The following RPS6KA5 variants were observed in gnomAD, a reference collection of about 807,000 sequenced individuals.
The protein encoded by RPS6KA5 is ribosomal protein S6 kinase alpha-5.
In RPS6KA5, 27 loss-of-function variants were observed where a neutral mutation model predicts 85.5. The observed-to-expected ratio is 0.32, with a 90% CI of 0.23 to 0.44. The LOEUF (loss-of-function observed/expected upper bound fraction) is 0.44. RPS6KA5 is among the 20% of genes least tolerant of loss of function. The pLI is 1.00. For missense variants in RPS6KA5, 811 were observed against 980.9 expected, an observed-to-expected ratio of 0.83 and a Z score of 2.31; for synonymous variants, 334 against 348.2, an observed-to-expected ratio of 0.96 and a Z score of 0.46.
intron 1 of RPS6KA5, among the ~76,000 whole-genome samples, chr14:91,020,337 C>T (rs1029772027): frequency 6.6e-6 from 1 of 151,930 alleles, no homozygotes; most frequent in Admixed American, 6.6e-5. Flanking sequence ...AGAAATAATA[C>T]AGTATAACAA....
At chr14:90,959,716 T>G (rs555701613) in intron 3 of RPS6KA5, among the ~76,000 whole-genome samples, 11 of 152,310 alleles carry the variant, frequency 7.2e-5, no homozygotes, top group Middle Eastern at 6.8e-3. Flanking sequence ...TGAACCATGG[T>G]GAAAGCGCTT....
intron 1 of RPS6KA5, among the ~76,000 whole-genome samples, chr14:91,011,551 A>G (rs2041259555): frequency 1.3e-5 from 2 of 152,192 alleles, no homozygotes; most frequent in South Asian, 4.1e-4. Context: ...AGCACTATCC[A>G]TGGGACAATC....
intron 2 of RPS6KA5, among the ~76,000 whole-genome samples, chr14:90,990,307 G>T (rs550137039): frequency 2.0e-5 from 3 of 152,134 alleles, no homozygotes; most frequent in Admixed American, 2.0e-4. Context: ...TCAGAGAAAC[G>T]CAAATAAAAA....
chr14:90,856,773 C>T lies in RPS6KA5; in HGVS notation c.*15301G>A, dbSNP rs1021998145. 3 of 152,356 alleles carry T rather than the reference C, an allele frequency of 2.0e-5. No homozygotes were observed. The highest frequency in any genetic ancestry group is 7.2e-5 in the African/African-American group (3 of 41,432). The allele number at this position is 152,356 out of a possible 1,614,324, so 9.4% of individuals were successfully genotyped here. A position where few individuals can be genotyped will look rare whatever the true frequency, so the allele number is the denominator to read the frequency against. ...CCATTACCACTACCTAATTCCAGAA[C>T]ATTTTGATCACCCCAAAACCCCATC... On this transcript the variant is annotated 3_prime_UTR_variant, in exon 17 of 17. Transcript: ENST00000614987.
Position 90,852,860 on chromosome 14 carries a change from G to A in RPS6KA5, c.*19214C>T, listed in dbSNP as rs2032078106. On this transcript the variant is annotated 3_prime_UTR_variant, in exon 17 of 17. Transcript: ENST00000614987. ...TTCTCCTGTCTCAGCCTCCCCAGTA[G>A]CTGGGACTACAGGCGCCTGCCACCA... The A allele has an allele frequency of 6.6e-6, 1 of 151,444 alleles. No individual in the cohort carries two copies. Among genetic ancestry groups the A allele is most frequent in the African/African-American group, 2.4e-5 (1 of 41,186 alleles). 9.4% of individuals were successfully genotyped at this position (151,444 alleles called of 1,614,324 possible).
At chr14:91,020,637 TG>T (rs1453794538) in intron 1 of RPS6KA5, among the ~76,000 whole-genome samples, 1 of 150,992 alleles carries the variant, frequency 6.6e-6, no homozygotes, top group Non-Finnish European at 1.5e-5. Flanking sequence ...TGTGTGTGTG[TG>T]TGTGTGTGTG....
At chr14:90,976,441 TA>T (rs2039573569) in intron 3 of RPS6KA5, among the ~76,000 whole-genome samples, 1 of 152,086 alleles carries the variant, frequency 6.6e-6, no homozygotes, top group Non-Finnish European at 1.5e-5. Context: ...AGAATAGAAA[TA>T]AACCGGTAGG....
At chr14:90,912,107 T>C (rs938732444) in intron 7 of RPS6KA5, among the ~76,000 whole-genome samples, 8 of 152,188 alleles carry the variant, frequency 5.3e-5, no homozygotes, top group African/African-American at 1.9e-4. Context: ...GCATTCTTCT[T>C]ACCTAAAAGC....
rs2032100677 is a variant in RPS6KA5, at chr14:90,853,269, C to A, written c.*18805G>T. The A allele has an allele frequency of 6.6e-6, 1 of 152,198 alleles. No homozygotes were observed. Among genetic ancestry groups the A allele is most frequent in the East Asian group, 1.9e-4 (1 of 5,176 alleles). The allele number at this position is 152,198 out of a possible 1,614,324, so 9.4% of individuals were successfully genotyped here. The stretch of plus-strand genomic sequence containing the variant: ...ATGATATTTTCCACTGTAGAAACTT[C>A]TTAGGTTATCACTCAAAAAACAAAA... On this transcript the variant is annotated 3_prime_UTR_variant, in exon 17 of 17. Coordinates refer to ENST00000614987, the MANE Select transcript of RPS6KA5 (RefSeq NM_004755.4).
rs1487646066 is a variant in RPS6KA5, at chr14:90,861,038, T to G, written c.*11036A>C. 6.6e-6 allele frequency: 1 copy of G among 151,580 alleles called. No individual in the cohort carries two copies. Among genetic ancestry groups the G allele is most frequent in the Admixed American group, 6.6e-5 (1 of 15,234 alleles). 9.4% of individuals were successfully genotyped at this position (151,580 alleles called of 1,614,324 possible). Reference sequence around the variant, plus strand: ...TCCCAAGTAGCTAGGATTACAGGCATGCACTACCACTCCTGGCTCATTTTT... The same window carrying G: ...TCCCAAGTAGCTAGGATTACAGGCAGGCACTACCACTCCTGGCTCATTTTT... On this transcript the variant is annotated 3_prime_UTR_variant, in exon 17 of 17. Coordinates refer to ENST00000614987, the MANE Select transcript of RPS6KA5 (RefSeq NM_004755.4).
intron 11 of RPS6KA5, among the ~76,000 whole-genome samples, chr14:90,899,877 A>C (rs933390250): frequency 6.6e-6 from 1 of 152,224 alleles, no homozygotes; most frequent in Non-Finnish European, 1.5e-5. Flanking sequence ...CGTTTTCTCT[A>C]GATAAACTCA....
chr14:90,986,466 C>T (rs116412587), intron 2 of RPS6KA5, among the ~76,000 whole-genome samples: 2,015 of 151,636 alleles, frequency 0.013, 59 homozygotes, highest in African/African-American at 0.046. Context: ...AAAAAAAATA[C>T]GTTAAAATAA....
At chr14:90,944,480 G>C (rs1309281091) in intron 4 of RPS6KA5, among the ~76,000 whole-genome samples, 1 of 151,954 alleles carries the variant, frequency 6.6e-6, no homozygotes, top group East Asian at 1.9e-4. Flanking sequence ...GCTGGGCCAG[G>C]AGTGGTGGCT....
At chr14:90,947,711 T>C (rs1384197347) in intron 3 of RPS6KA5, among the ~76,000 whole-genome samples, 161 bp from the exon 4 acceptor site, 1 of 152,214 alleles carries the variant, frequency 6.6e-6, no homozygotes, top group South Asian at 2.1e-4. Context: ...TAGATTCAGA[T>C]AGCAATACAG....
At chr14:90,945,745 T>A (rs984536319) in intron 4 of RPS6KA5, among the ~76,000 whole-genome samples, 1 of 152,202 alleles carries the variant, frequency 6.6e-6, no homozygotes, top group Non-Finnish European at 1.5e-5. Context: ...ACAAGCACAG[T>A]GGCTCATGCC....
At chr14:90,967,851 TA>T (rs1328188345) in intron 3 of RPS6KA5, among the ~76,000 whole-genome samples, 2 of 152,174 alleles carry the variant, frequency 1.3e-5, no homozygotes, top group Non-Finnish European at 2.9e-5. Context: ...TCTCCCATTT[TA>T]AAACACACTA....
chr14:90,966,226 G>A (rs765210580), intron 3 of RPS6KA5, among the ~76,000 whole-genome samples: 1 of 152,136 alleles, frequency 6.6e-6, no homozygotes, highest in Non-Finnish European at 1.5e-5. Flanking sequence ...TGAAAAACAA[G>A]ACTCTGTTGA....
At chr14:90,977,625 T>A (rs2039623635) in intron 3 of RPS6KA5, among the ~76,000 whole-genome samples, 1 of 152,222 alleles carries the variant, frequency 6.6e-6, no homozygotes, top group South Asian at 2.1e-4. Context: ...CGTCCCCTTG[T>A]CAGCCTAAAC....
At chr14:90,987,999 C>A (rs2040132367) in intron 2 of RPS6KA5, among the ~76,000 whole-genome samples, 1 of 152,172 alleles carries the variant, frequency 6.6e-6, no homozygotes, top group Non-Finnish European at 1.5e-5. Flanking sequence ...CTACTCTTAT[C>A]TCCAGCACCC....
Sources: allele counts gnomAD v4.1 joint callset (sites outside exome capture counted in the v4.1 genomes callset), GRCh38; gene constraint gnomAD v4.1.1; transcripts MANE v1.5; gene names NCBI Gene and HGNC (gene_info 2026-07-23, HGNC 2026-07-21).